The following PPFIBP2 variants were observed in gnomAD, a reference collection of about 807,000 sequenced individuals.
The protein encoded by PPFIBP2 is liprin-beta-2.
In PPFIBP2, 118 loss-of-function variants were observed where a neutral mutation model predicts 118.3. The observed-to-expected ratio is 1.00, with a 90% confidence interval of 0.86 to 1.16. The LOEUF (loss-of-function observed/expected upper bound fraction) is 1.16, where lower values mean the gene tolerates loss of function less well. Among genes scored for constraint, PPFIBP2 ranks in the 50% most tolerant of loss-of-function variants. The pLI is 0.00. For missense variants in PPFIBP2, 1,195 were observed against 1,073.1 expected (o/e 1.11, Z -1.59); for synonymous variants, 414 against 397.4 (o/e 1.04, Z -0.50).
chr11:7,536,646 G>A (rs778741061), intron 1 of PPFIBP2, among the ~76,000 whole-genome samples: 7 of 152,096 alleles, frequency 4.6e-5, no homozygotes, highest in Non-Finnish European at 8.8e-5. Context: ...AGTCTGACAC[G>A]AAGAAACATG....
chr11:7,657,424 A>G (rs535158284), downstream of PPFIBP2, among the ~76,000 whole-genome samples: 3 of 152,074 alleles, frequency 2.0e-5, no homozygotes, highest in Non-Finnish European at 4.4e-5. Context: ...AGCTTGGAGC[A>G]GAGGCGTCCC....
chr11:7,557,489 CTTTT>C (rs57734219), intron 2 of PPFIBP2, among the ~76,000 whole-genome samples: 4 of 107,874 alleles, frequency 3.7e-5, no homozygotes, highest in African/African-American at 8.2e-5. Context: ...CTCATTGGCA[CTTTT>C]TTTTTTTTTT....
the PPFIBP2 span, among the ~76,000 whole-genome samples, chr11:7,662,703 A>AGAT: frequency 2.0e-5 from 3 of 149,612 alleles, no homozygotes; most frequent in South Asian, 4.4e-4. Context: ...CTGCCTTGCT[A>AGAT]GATTGGGGAA....
At position 7,648,881 on chromosome 11, in the gene PPFIBP2, T is replaced by G. The variant is rs756564090; in HGVS notation, c.1879T>G (p.Ser627Ala). Reference sequence around the variant, plus strand: ...CATCAACACCAAACAGGAGGAGAAGTCTGCACTGCTAGACCACATTTGGGT... The same window carrying G: ...CATCAACACCAAACAGGAGGAGAAGGCTGCACTGCTAGACCACATTTGGGT... ...KAINTKQEEK[S>A]ALLDHIWVTR... is the part of the protein sequence containing the mutation. Residue 627 changes from serine (S) to alanine (A), a missense_variant, in exon 19 of 24, where the codon TCT becomes GCT. Coordinates refer to ENST00000299492, the MANE Select transcript of PPFIBP2 (RefSeq NM_003621.5). 3.4e-5 allele frequency: 55 copies of G among 1,613,968 alleles called. No individual in the cohort carries two copies. In the South Asian group the frequency reaches 5.9e-4, roughly 17 times the overall value.
chr11:7,536,581 G>T (rs186320394), intron 1 of PPFIBP2, among the ~76,000 whole-genome samples: 2 of 152,160 alleles, frequency 1.3e-5, no homozygotes, highest in Non-Finnish European at 2.9e-5. Flanking sequence ...GAGAGAAGGG[G>T]AATCAAGTGG....
At chr11:7,521,313 T>C (rs566726489) in intron 1 of PPFIBP2, among the ~76,000 whole-genome samples, 36 of 152,308 alleles carry the variant, frequency 2.4e-4, no homozygotes, top group African/African-American at 8.7e-4. Flanking sequence ...TAGGACTGTC[T>C]CTCTGATAGG....
At chr11:7,565,915 C>T in intron 3 of PPFIBP2, 148 bp downstream of exon 3, 3 of 839,610 alleles carry the variant, frequency 3.6e-6, no homozygotes, top group Non-Finnish European at 5.5e-6. Context: ...GCAGGGTGGC[C>T]CTTCTTATCA....
intron 5 of PPFIBP2, among the ~76,000 whole-genome samples, chr11:7,602,737 C>A (rs1846824630): frequency 6.6e-6 from 1 of 152,222 alleles, no homozygotes; most frequent in South Asian, 2.1e-4. Flanking sequence ...CTATTTCTAT[C>A]CTCCCTACCG....
At chr11:7,614,817 A>T (rs1163157390) in intron 6 of PPFIBP2, among the ~76,000 whole-genome samples, 1 of 152,250 alleles carries the variant, frequency 6.6e-6, no homozygotes, top group African/African-American at 2.4e-5. Flanking sequence ...GGTGCCCAGT[A>T]GTTTCACATA....
chr11:7,516,092 C>T (rs918638627), intron 1 of PPFIBP2, among the ~76,000 whole-genome samples: 1 of 152,130 alleles, frequency 6.6e-6, no homozygotes, highest in Non-Finnish European at 1.5e-5. Context: ...TTTTGTAAAA[C>T]GTTCAGATTA....
intron 3 of PPFIBP2, among the ~76,000 whole-genome samples, chr11:7,590,065 G>T (rs1470830815): frequency 1.3e-5 from 2 of 152,266 alleles, no homozygotes; most frequent in East Asian, 3.9e-4. Context: ...CAGGTTATAA[G>T]AATACAGAAT....
At chr11:7,596,581 A>G (rs1189174457) in intron 4 of PPFIBP2, among the ~76,000 whole-genome samples, 1 of 152,220 alleles carries the variant, frequency 6.6e-6, no homozygotes, top group African/African-American at 2.4e-5. Context: ...TTATCTAAAC[A>G]CTCATAAATG....
intron 2 of PPFIBP2, among the ~76,000 whole-genome samples, chr11:7,557,114 C>A (rs530445063): frequency 3.9e-5 from 6 of 152,242 alleles, no homozygotes; most frequent in Non-Finnish European, 7.4e-5. Context: ...CCTAACTCCT[C>A]TTTTATATTT....
At position 7,621,100 on chromosome 11, in the gene PPFIBP2, G is replaced by A. The variant is rs536550610; in HGVS notation, c.711+73G>A. 16 of 1,204,518 alleles carry A rather than the reference G, an allele frequency of 1.3e-5. No homozygotes were observed. The South Asian group carries it at 2.0e-4, about 15-fold the overall frequency. The allele number at this position is 1,204,518 out of a possible 1,614,324, so 74.6% of individuals were successfully genotyped here. A position where few individuals can be genotyped will look rare whatever the true frequency, so the allele number is the denominator to read the frequency against. On this transcript the variant is annotated intron_variant, in intron 7 of 23. Transcript: ENST00000299492. ...GGGAGGGTCTGCATTCCAACTTGGG[G>A]GTTTCCAGTAGCCTAAGTTTGAAAA...
chr11:7,634,817 C>T (rs1023573853), intron 13 of PPFIBP2, among the ~76,000 whole-genome samples: 1 of 152,076 alleles, frequency 6.6e-6, no homozygotes, highest in African/African-American at 2.4e-5. Flanking sequence ...GTCTGCTGAG[C>T]AATAGCAGGT....
chr11:7,607,101 G>A (rs971806354), intron 5 of PPFIBP2, among the ~76,000 whole-genome samples: 8 of 150,564 alleles, frequency 5.3e-5, no homozygotes, highest in Middle Eastern at 3.4e-3. Context: ...TAGTAGAGAC[G>A]GGGTTTCACC....
At chr11:7,630,272 G>C (rs1309536340) in intron 10 of PPFIBP2, among the ~76,000 whole-genome samples, 1 of 152,194 alleles carries the variant, frequency 6.6e-6, no homozygotes, top group Non-Finnish European at 1.5e-5. Context: ...TGACTGACTG[G>C]TCACTGGCCA....
chr11:7,514,903 G>A (rs1375164265), intron 1 of PPFIBP2, among the ~76,000 whole-genome samples: 2 of 152,178 alleles, frequency 1.3e-5, no homozygotes, highest in African/African-American at 2.4e-5. Context: ...GTATAGATCC[G>A]TGTCCCTTTT....
At chr11:7,571,365 T>C (rs533666550) in intron 3 of PPFIBP2, among the ~76,000 whole-genome samples, 1 of 152,224 alleles carries the variant, frequency 6.6e-6, no homozygotes, top group East Asian at 1.9e-4. Context: ...CTTGCAATCT[T>C]TCATTCTGTC....
Sources: gnomAD v4.1 joint callset for allele counts (sites outside exome capture counted in the v4.1 genomes callset) on GRCh38, gnomAD v4.1.1 for gene constraint, MANE v1.5 for transcripts, NCBI Gene and HGNC (gene_info 2026-07-23, HGNC 2026-07-21) for gene names.